Variants in KCNMA1 observed in about 807,000 individuals in gnomAD.
KCNMA1 encodes the protein Calcium-activated potassium channel subunit alpha-1.
A neutral mutation model predicts 140.0 loss-of-function variants in KCNMA1; 29 were observed. That is an observed-to-expected ratio of 0.21 (90% confidence interval 0.15 to 0.28). The LOEUF (loss-of-function observed/expected upper bound fraction) is 0.28. Ranked by LOEUF, KCNMA1 falls within the 10% of genes least tolerant of loss-of-function variation. KCNMA1 has a pLI of 1.00. For missense variants in KCNMA1, 880 were observed against 1,602.2 expected (o/e 0.55, Z 7.70); for synonymous variants, 612 against 611.9 (o/e 1.00, Z 0.00).
chr10:77,404,229 T>G (rs2096385445), intron 1 of KCNMA1, among the ~76,000 whole-genome samples: 1 of 152,236 alleles, frequency 6.6e-6, no homozygotes, highest in Non-Finnish European at 1.5e-5. Flanking sequence ...TTATTTCCTC[T>G]TAAAATATCT....
chr10:77,182,715 G>A (rs1565050219), intron 5 of KCNMA1, among the ~76,000 whole-genome samples: 1 of 152,168 alleles, frequency 6.6e-6, no homozygotes. Flanking sequence ...CATGACAGCA[G>A]GAATACTCTG....
At chr10:77,254,797 G>A (rs760021681) in intron 2 of KCNMA1, among the ~76,000 whole-genome samples, 7 of 152,136 alleles carry the variant, frequency 4.6e-5, no homozygotes, top group Non-Finnish European at 8.8e-5. Flanking sequence ...AGCTTCTATA[G>A]TTTCAGGGAC....
rs1050313915 is a variant in KCNMA1, at chr10:76,889,646, C to A, written c.3343-77G>T. 8 of 1,126,464 alleles carry A rather than the reference C, an allele frequency of 7.1e-6. No individual in the cohort carries two copies. In the African/African-American group the frequency reaches 7.6e-5, roughly 11 times the overall value. The allele number at this position is 1,126,464 out of a possible 1,614,324, so 69.8% of individuals were successfully genotyped here. ...ATCAAGGGACAGCAGGGAAACGGGT[C>A]TTTTCATCAAAGCTTGTTTTGGTGT... On this transcript the variant is annotated intron_variant, in intron 26 of 27. Transcript: ENST00000286628.
At chr10:77,092,160 AC>A (rs1182599599) in intron 9 of KCNMA1, 1 of 152,016 alleles carries the variant, frequency 6.6e-6, no homozygotes, top group African/African-American at 2.4e-5. Context: ...CATATGACTA[AC>A]CCCCTCATTA....
At chr10:77,551,516 A>C (rs1233272796) in intron 1 of KCNMA1, among the ~76,000 whole-genome samples, 1 of 152,166 alleles carries the variant, frequency 6.6e-6, no homozygotes. Flanking sequence ...CCTGTGCCCC[A>C]CAGTTGATGC....
chr10:77,150,714 A>T (rs1451036077), intron 5 of KCNMA1, among the ~76,000 whole-genome samples: 2 of 152,254 alleles, frequency 1.3e-5, no homozygotes, highest in East Asian at 3.8e-4. Context: ...ACTTCCCTTC[A>T]TGATCATTCT....
At chr10:76,977,422 A>C in intron 19 of KCNMA1, 2 of 623,660 alleles carry the variant, frequency 3.2e-6, no homozygotes, top group South Asian at 1.9e-5. Context: ...ATTTTATCAG[A>C]CCATAGCCAC....
chr10:77,260,199 C>T (rs1249485170), intron 2 of KCNMA1, among the ~76,000 whole-genome samples: 3 of 152,120 alleles, frequency 2.0e-5, no homozygotes, highest in African/African-American at 7.2e-5. Flanking sequence ...AAGGACAGTC[C>T]TGCACACAGA....
At chr10:77,617,093 G>A (rs142341991) in intron 1 of KCNMA1, among the ~76,000 whole-genome samples, 1 of 152,308 alleles carries the variant, frequency 6.6e-6, no homozygotes, top group Non-Finnish European at 1.5e-5. Context: ...TATTACTTAT[G>A]TTACTACTCA....
intron 1 of KCNMA1, among the ~76,000 whole-genome samples, chr10:77,557,464 T>C (rs116383133): frequency 0.015 from 2,232 of 152,274 alleles, 61 homozygotes; most frequent in African/African-American, 0.051. Context: ...AGTTCAACAC[T>C]GTTTATACAG....
chr10:77,320,237 C>T (rs1298000341), intron 2 of KCNMA1, among the ~76,000 whole-genome samples: 1 of 151,314 alleles, frequency 6.6e-6, no homozygotes, highest in Non-Finnish European at 1.5e-5. Flanking sequence ...GTGTCTGGCA[C>T]AAAAGAAATA....
intron 23 of KCNMA1, chr10:76,939,851 A>T (rs949945464): frequency 1.3e-5 from 2 of 152,146 alleles, no homozygotes; most frequent in Non-Finnish European, 2.9e-5. Flanking sequence ...CCAAGATCAG[A>T]CTCAGTTCTC....
chr10:77,618,656 G>C (rs568634389), intron 1 of KCNMA1, among the ~76,000 whole-genome samples: 3 of 152,306 alleles, frequency 2.0e-5, no homozygotes, highest in East Asian at 3.9e-4. Flanking sequence ...ATCTGCCTGG[G>C]ATCTACCCAG....
intron 1 of KCNMA1, among the ~76,000 whole-genome samples, chr10:77,458,115 C>T (rs2154522876): frequency 6.6e-6 from 1 of 152,304 alleles, no homozygotes; most frequent in East Asian, 1.9e-4. Context: ...AGCAGGAAAG[C>T]CAGTCTTGTA....
At chr10:77,021,932 T>G (rs2092908912) in intron 16 of KCNMA1, among the ~76,000 whole-genome samples, 1 of 152,248 alleles carries the variant, frequency 6.6e-6, no homozygotes, top group Non-Finnish European at 1.5e-5. Flanking sequence ...GTTTTTGTTT[T>G]TGTTTTTAAT....
At chr10:77,409,923 T>C (rs1424205082) in intron 1 of KCNMA1, among the ~76,000 whole-genome samples, 1 of 152,220 alleles carries the variant, frequency 6.6e-6, no homozygotes, top group Non-Finnish European at 1.5e-5. Context: ...GGATGAGTCC[T>C]GCCTTGTCAC....
At chr10:77,077,194 T>A (rs2096426108) in intron 13 of KCNMA1, among the ~76,000 whole-genome samples, 1 of 152,228 alleles carries the variant, frequency 6.6e-6, no homozygotes, top group Non-Finnish European at 1.5e-5. Flanking sequence ...AGTGGACGTT[T>A]TCTTCTTTCT....
chr10:77,574,354 T>C (rs975835662), intron 1 of KCNMA1, among the ~76,000 whole-genome samples: 11 of 152,158 alleles, frequency 7.2e-5, no homozygotes, highest in African/African-American at 2.4e-4. Flanking sequence ...ATGTATGCTT[T>C]GCACACACAA....
intron 2 of KCNMA1, among the ~76,000 whole-genome samples, chr10:77,268,196 G>C (rs2154276947): frequency 6.6e-6 from 1 of 152,316 alleles, no homozygotes; most frequent in East Asian, 1.9e-4. Flanking sequence ...AAGCACAGTT[G>C]AGAATCTGCA....
Sources: gnomAD v4.1 joint callset for allele counts (sites outside exome capture counted in the v4.1 genomes callset) on GRCh38, gnomAD v4.1.1 for gene constraint, MANE v1.5 for transcripts, NCBI Gene and HGNC (gene_info 2026-07-23, HGNC 2026-07-21) for gene names.